Variants in CDC42BPA observed in about 807,000 individuals in gnomAD.
CDC42BPA encodes the protein serine/threonine-protein kinase MRCK alpha.
A neutral mutation model predicts 223.5 loss-of-function variants in CDC42BPA; 80 were observed. That is an observed-to-expected ratio of 0.36 (90% CI 0.30 to 0.43). CDC42BPA has a LOEUF of 0.43. Among genes scored for constraint, CDC42BPA ranks in the 20% least tolerant of loss-of-function variants. The pLI is 1.00. For missense variants in CDC42BPA, 1,743 were observed against 2,099.9 expected (o/e 0.83, Z 3.32); for synonymous variants, 694 against 718.6 (o/e 0.97, Z 0.55).
intron 1 of CDC42BPA, among the ~76,000 whole-genome samples, chr1:227,287,448 GATA>G (rs1417934491): frequency 1.3e-5 from 2 of 152,122 alleles, no homozygotes; most frequent in African/African-American, 2.4e-5. Flanking sequence ...CAGAAGGAAT[GATA>G]ATAATTCAAT....
At chr1:227,112,643 G>A in intron 13 of CDC42BPA, 28 bp downstream of exon 13, 4 of 1,608,660 alleles carry the variant, frequency 2.5e-6, no homozygotes, top group Middle Eastern at 3.3e-4. Context: ...TATCCCATGG[G>A]CACTACAAAA....
intron 1 of CDC42BPA, among the ~76,000 whole-genome samples, chr1:227,277,982 C>T (rs1404465320): frequency 6.6e-6 from 1 of 152,242 alleles, no homozygotes; most frequent in Admixed American, 6.5e-5. Flanking sequence ...ATCTCCTGAC[C>T]TCGTGATCCA....
intron 5 of CDC42BPA, among the ~76,000 whole-genome samples, chr1:227,173,634 C>T (rs1361687037): frequency 2.0e-5 from 3 of 152,022 alleles, no homozygotes; most frequent in African/African-American, 7.2e-5. Flanking sequence ...TGGCAATACT[C>T]GGTAAGCACT....
At position 227,269,041 on chromosome 1, in the gene CDC42BPA, G is replaced by C. The variant is rs150071598; in HGVS notation, c.179-14886C>G. ...GGTATTAGAAAAGAGACTAATTCAG[G>C]GGTTGGCAAACCTTTTCTGTAAAGG... On this transcript the variant is annotated intron_variant, in intron 1 of 36. Transcript: ENST00000366766. Among the ~76,000 whole-genome samples the C allele has an allele frequency of 8.0e-4, 122 of 152,184 alleles. 1 individual carries two copies. In the East Asian group the frequency reaches 0.022, roughly 28 times the overall value.
intron 21 of CDC42BPA, among the ~76,000 whole-genome samples, chr1:227,065,487 A>C (rs188027275): frequency 2.2e-4 from 34 of 152,328 alleles, no homozygotes; most frequent in Admixed American, 2.0e-3. Context: ...CTTCTCTTCA[A>C]AGCTACTCTT....
At position 227,185,788 on chromosome 1, in the gene CDC42BPA, T is replaced by C. The variant is rs559591134; in HGVS notation, c.599+7998A>G. The stretch of plus-strand genomic sequence containing the variant: ...CTAATTCAACTTAAGAGGAAGAATC[T>C]GGTGTTCCTCCACTCATCAGAGCCG... On this transcript the variant is annotated intron_variant, in intron 5 of 36. Transcript: ENST00000366766. Among the ~76,000 whole-genome samples the C allele has an allele frequency of 1.4e-4, 21 of 151,530 alleles. No homozygotes were observed. In the South Asian group the frequency reaches 4.5e-3, roughly 33 times the overall value.
intron 2 of CDC42BPA, among the ~76,000 whole-genome samples, chr1:227,228,422 C>T (rs951095653): frequency 6.6e-6 from 1 of 152,176 alleles, no homozygotes; most frequent in Non-Finnish European, 1.5e-5. Context: ...TTTATGCATT[C>T]ATCAGTTGAT....
rs1277219751 is a variant in CDC42BPA at position 227,045,155 on chromosome 1, T to G, written c.3093+2772A>C. 7.2e-5 allele frequency among the ~76,000 whole-genome samples: 11 copies of G among 152,238 alleles called. No homozygotes were observed. In the South Asian group the frequency reaches 8.3e-4, roughly 11 times the overall value. ...CCTTCCTTGTTCTGGTAGAACTAAT[T>G]AAGTTTCCTTAGAAAGTAGCACATG... On this transcript the variant is annotated intron_variant, in intron 23 of 36. Transcript: ENST00000366766.
At chr1:227,144,878 A>G (rs1660427532) in intron 8 of CDC42BPA, among the ~76,000 whole-genome samples, 1 of 152,062 alleles carries the variant, frequency 6.6e-6, no homozygotes, top group African/African-American at 2.4e-5. Context: ...CAAGTTTGCT[A>G]TTGTTAGCAG....
intron 5 of CDC42BPA, among the ~76,000 whole-genome samples, chr1:227,192,427 A>C (rs1031657855): frequency 6.6e-6 from 1 of 152,128 alleles, no homozygotes; most frequent in Non-Finnish European, 1.5e-5. Flanking sequence ...CTGACTCAAC[A>C]ATCTGGGTTT....
At chr1:227,144,337 G>A (rs2149658372) in intron 8 of CDC42BPA, among the ~76,000 whole-genome samples, 1 of 152,174 alleles carries the variant, frequency 6.6e-6, no homozygotes, top group Non-Finnish European at 1.5e-5. Context: ...AGCACTTTGG[G>A]AGGCTGAGGA....
chr1:227,293,163 A>C (rs1311630955), intron 1 of CDC42BPA, among the ~76,000 whole-genome samples: 1 of 152,200 alleles, frequency 6.6e-6, no homozygotes, highest in Non-Finnish European at 1.5e-5. Context: ...TACACCAAGC[A>C]CTTATGTTAG....
intron 3 of CDC42BPA, among the ~76,000 whole-genome samples, chr1:227,201,337 G>A (rs1057503145): frequency 6.6e-6 from 1 of 151,862 alleles, no homozygotes; most frequent in East Asian, 1.9e-4. Context: ...TTCTAGAGAC[G>A]AGGTCTCACT....
At chr1:227,225,629 T>G (rs1199763615) in intron 2 of CDC42BPA, among the ~76,000 whole-genome samples, 2 of 152,198 alleles carry the variant, frequency 1.3e-5, no homozygotes, top group Non-Finnish European at 2.9e-5. Flanking sequence ...ATATCTTTAT[T>G]CCCATTTTCA....
At chr1:227,013,484 C>A (rs1025416946) in intron 34 of CDC42BPA, among the ~76,000 whole-genome samples, 2 of 151,638 alleles carry the variant, frequency 1.3e-5, no homozygotes, top group Non-Finnish European at 2.9e-5. Flanking sequence ...TGTTTGAAAT[C>A]TGACATTTTG....
rs1053115501 is a variant in CDC42BPA at position 227,065,029 on chromosome 1, G to A, written c.2904+4748C>T. On this transcript the variant is annotated intron_variant, in intron 21 of 36. Transcript: ENST00000366766. ...GGAGAATGGCGTGAACCCGGGAGGC[G>A]GAGCTTGCAGTGAGCTGAGATCGCG... 3.4e-4 allele frequency among the ~76,000 whole-genome samples: 51 copies of A among 152,108 alleles called. 1 individual carries two copies. The highest frequency in any genetic ancestry group is 6.8e-3 in the Middle Eastern group (2 of 294).
chr1:227,086,487 C>T (rs1293219237), intron 16 of CDC42BPA, among the ~76,000 whole-genome samples: 8 of 152,072 alleles, frequency 5.3e-5, no homozygotes, highest in East Asian at 1.9e-4. Context: ...ATAGTTGATA[C>T]GGTCACGCCA....
chr1:227,153,896 T>TC (rs1271892420), intron 6 of CDC42BPA, among the ~76,000 whole-genome samples: 1 of 151,822 alleles, frequency 6.6e-6, no homozygotes, highest in Non-Finnish European at 1.5e-5. Flanking sequence ...AAAATATGGG[T>TC]CCTCTGTTTA....
chr1:227,227,227 T>C (rs1286434290), intron 2 of CDC42BPA, among the ~76,000 whole-genome samples: 1 of 151,884 alleles, frequency 6.6e-6, no homozygotes, highest in Non-Finnish European at 1.5e-5. Flanking sequence ...GAAAAAAACA[T>C]AGTAGAAAAT....
Sources: gnomAD v4.1 joint callset for allele counts (sites outside exome capture counted in the v4.1 genomes callset) on GRCh38, gnomAD v4.1.1 for gene constraint, MANE v1.5 for transcripts, NCBI Gene and HGNC (gene_info 2026-07-23, HGNC 2026-07-21) for gene names.